The following CEP63 variants were observed in gnomAD, a reference collection of about 807,000 sequenced individuals.
CEP63 encodes centrosomal protein of 63 kDa.
Under a neutral mutation model 89.1 loss-of-function variants are expected in CEP63, and 84 were observed. The observed-to-expected ratio is 0.94, with a 90% CI of 0.79 to 1.13. The LOEUF (loss-of-function observed/expected upper bound fraction) is 1.13, where lower values mean the gene tolerates loss of function less well. Among genes scored for constraint, CEP63 ranks in the 50% most tolerant of loss-of-function variants. The pLI, the probability that CEP63 is intolerant of heterozygous loss-of-function variation, is 0.00. For missense variants in CEP63, 838 were observed against 813.3 expected (o/e 1.03, Z -0.37); for synonymous variants, 267 against 272.5 (o/e 0.98, Z 0.20).
the CEP63 span, among the ~76,000 whole-genome samples, chr3:134,644,321 C>T: frequency 1.3e-5 from 2 of 152,258 alleles, no homozygotes; most frequent in Non-Finnish European, 1.5e-5. Context: ...TGGGGTCAGG[C>T]TGCCATGGAG....
At chr3:134,590,138 G>C (rs1483765635), downstream of CEP63, among the ~76,000 whole-genome samples, 1 of 152,132 alleles carries the variant, frequency 6.6e-6, no homozygotes, top group East Asian at 1.9e-4. Context: ...TGGGTACTAT[G>C]CTTATCACCT....
At chr3:134,498,667 A>G (rs747029326) in intron 2 of CEP63, among the ~76,000 whole-genome samples, 3 of 152,160 alleles carry the variant, frequency 2.0e-5, no homozygotes, top group Non-Finnish European at 4.4e-5. Context: ...GCTTTTCCCC[A>G]TCCAGTATAA....
chr3:134,770,773 G>C, the CEP63 span, among the ~76,000 whole-genome samples: 1 of 152,068 alleles, frequency 6.6e-6, no homozygotes, highest in African/African-American at 2.4e-5. Flanking sequence ...TTCTTGTCAA[G>C]TGGCAAAGGA....
intron 2 of CEP63, among the ~76,000 whole-genome samples, chr3:134,498,413 T>C (rs527993736): frequency 9.6e-4 from 147 of 152,362 alleles, no homozygotes; most frequent in Middle Eastern, 3.4e-3. Flanking sequence ...TTTTGTATTC[T>C]GCAACTTTAC....
chr3:134,589,835 A>G (rs1008131232), downstream of CEP63, among the ~76,000 whole-genome samples: 1 of 152,222 alleles, frequency 6.6e-6, no homozygotes, highest in African/African-American at 2.4e-5. Flanking sequence ...TAGCAAAGGC[A>G]TGGAATCAAC....
chr3:134,705,445 A>G, the CEP63 span, among the ~76,000 whole-genome samples: 1 of 152,198 alleles, frequency 6.6e-6, no homozygotes. Context: ...CCATTCATAA[A>G]GGACCTGCCC....
At chr3:134,570,667 A>G (rs1027441255) in intron 11 of CEP63, among the ~76,000 whole-genome samples, 10 of 152,042 alleles carry the variant, frequency 6.6e-5, no homozygotes, top group African/African-American at 7.2e-5. Context: ...AGCTGTTCCA[A>G]CCTCTGCCTG....
the CEP63 span, chr3:134,610,128 C>T: frequency 6.6e-7 from 1 of 1,523,400 alleles, no homozygotes. Flanking sequence ...CCTGCTGCTT[C>T]ATGCTGCCTG....
chr3:134,677,164 C>T, the CEP63 span, among the ~76,000 whole-genome samples: 2 of 152,022 alleles, frequency 1.3e-5, no homozygotes, highest in Non-Finnish European at 2.9e-5. Flanking sequence ...TTGAACCCGG[C>T]AGGAGAATTG....
intron 3 of CEP63, chr3:134,510,813 A>G (rs1026305753): frequency 1.2e-4 from 41 of 336,112 alleles, no homozygotes; most frequent in Non-Finnish European, 2.2e-4. Flanking sequence ...GAGGCCAGCA[A>G]AGCACCTGGG....
the CEP63 span, among the ~76,000 whole-genome samples, chr3:134,638,995 T>G: frequency 6.7e-6 from 1 of 150,040 alleles, no homozygotes; most frequent in Admixed American, 6.6e-5. Flanking sequence ...TTGCCATCAT[T>G]GGTTTAAGGT....
At chr3:134,491,865 A>G (rs1024063006) in intron 1 of CEP63, among the ~76,000 whole-genome samples, 17 of 152,146 alleles carry the variant, frequency 1.1e-4, no homozygotes, top group African/African-American at 3.9e-4. Flanking sequence ...GTATGTACAC[A>G]TTTATTCATA....
At chr3:134,721,444 C>A in the CEP63 span, among the ~76,000 whole-genome samples, 4 of 152,008 alleles carry the variant, frequency 2.6e-5, no homozygotes, top group Non-Finnish European at 4.4e-5. Flanking sequence ...CCTTTCTAAT[C>A]TTGATGCCTT....
the CEP63 span, among the ~76,000 whole-genome samples, chr3:134,602,239 C>T: frequency 6.6e-6 from 1 of 152,262 alleles, no homozygotes; most frequent in South Asian, 2.1e-4. Flanking sequence ...TGTGGGGCCT[C>T]TCTCGCCTTT....
chr3:134,720,792 T>C, the CEP63 span, among the ~76,000 whole-genome samples: 713 of 152,246 alleles, frequency 4.7e-3, 3 homozygotes, highest in African/African-American at 0.016. Context: ...ACCATAAATA[T>C]AAGAGTTTAT....
intron 11 of CEP63, among the ~76,000 whole-genome samples, chr3:134,572,315 C>T (rs1415804088): frequency 2.0e-5 from 3 of 152,110 alleles, no homozygotes; most frequent in Non-Finnish European, 4.4e-5. Context: ...CATGGGTGTA[C>T]TGCATGATGC....
chr3:134,675,971 G>A, the CEP63 span, among the ~76,000 whole-genome samples: 1 of 152,260 alleles, frequency 6.6e-6, no homozygotes, highest in Admixed American at 6.5e-5. Flanking sequence ...AGTGCTTCTG[G>A]CTGTTCCTCA....
At chr3:134,745,980 A>G in the CEP63 span, among the ~76,000 whole-genome samples, 1 of 148,940 alleles carries the variant, frequency 6.7e-6, no homozygotes, top group Non-Finnish European at 1.5e-5. Context: ...GTTTTGTTAC[A>G]TATGTATACA....
the CEP63 span, among the ~76,000 whole-genome samples, chr3:134,778,727 T>A: frequency 3.3e-5 from 5 of 151,872 alleles, no homozygotes; most frequent in Admixed American, 3.3e-4. Flanking sequence ...CCCGGCTAAT[T>A]TTTTTGTATT....
Sources: allele counts gnomAD v4.1 joint callset (sites outside exome capture counted in the v4.1 genomes callset), GRCh38; gene constraint gnomAD v4.1.1; transcripts MANE v1.5; gene names NCBI Gene and HGNC (gene_info 2026-07-23, HGNC 2026-07-21).